The following CADM2 variants were observed in gnomAD, a reference collection of about 807,000 sequenced individuals.
The protein encoded by CADM2 is cell adhesion molecule 2.
In CADM2, 12 loss-of-function variants were observed where a neutral mutation model predicts 49.8. The ratio of observed to expected loss-of-function variants is 0.24; its 90% CI spans 0.15 to 0.39. The LOEUF is 0.39. CADM2 is among the 10% of genes least tolerant of loss of function. CADM2 has a pLI of 1.00. For synonymous variants in CADM2, 214 were observed against 175.4 expected (o/e 1.22, Z -1.74); for missense variants, 378 against 492.3 (o/e 0.77, Z 2.20).
intron 1 of CADM2, among the ~76,000 whole-genome samples, chr3:85,149,766 GTTTTA>G (rs1432042286): frequency 6.6e-6 from 1 of 152,084 alleles, no homozygotes; most frequent in Non-Finnish European, 1.5e-5. Flanking sequence ...TTATAGACAC[GTTTTA>G]TTTTATTTTT....
At chr3:85,628,921 T>C (rs926756066) in intron 1 of CADM2, among the ~76,000 whole-genome samples, 3 of 151,600 alleles carry the variant, frequency 2.0e-5, no homozygotes, top group East Asian at 3.9e-4. Context: ...TGTTTAATAG[T>C]CTAGAATTGT....
intron 1 of CADM2, among the ~76,000 whole-genome samples, chr3:85,107,660 T>TTTCC (rs1241363073): frequency 1.3e-5 from 2 of 150,512 alleles, no homozygotes; most frequent in Admixed American, 6.7e-5. Context: ...TCTTTCTTTT[T>TTTCC]TTCCTTCCTT....
intron 8 of CADM2, among the ~76,000 whole-genome samples, chr3:85,973,460 A>G (rs1442878697): frequency 1.3e-5 from 2 of 151,746 alleles, no homozygotes; most frequent in Admixed American, 1.3e-4. Context: ...TTTACCATGA[A>G]GTTCATTCTC....
intron 1 of CADM2, among the ~76,000 whole-genome samples, chr3:85,200,462 A>T (rs1027599682): frequency 1.1e-4 from 16 of 152,100 alleles, no homozygotes; most frequent in African/African-American, 3.4e-4. Context: ...AAGTTTAGAA[A>T]TAGGGACACG....
chr3:85,825,556 A>G (rs2073860963), intron 3 of CADM2, among the ~76,000 whole-genome samples: 1 of 152,090 alleles, frequency 6.6e-6, no homozygotes, highest in Admixed American at 6.6e-5. Context: ...TGCTCAAGAC[A>G]TAGTGTAGCC....
chr3:85,421,020 T>C (rs2036144515), intron 1 of CADM2, among the ~76,000 whole-genome samples: 1 of 152,164 alleles, frequency 6.6e-6, no homozygotes, highest in Non-Finnish European at 1.5e-5. Flanking sequence ...GAAAATACAG[T>C]CTTCACCCAA....
intron 3 of CADM2, among the ~76,000 whole-genome samples, chr3:85,881,236 A>G (rs140678216): frequency 8.3e-4 from 127 of 152,124 alleles, no homozygotes; most frequent in African/African-American, 2.6e-3. Flanking sequence ...TTATTTCTGT[A>G]ACGTCCATTT....
rs1187531347 is a variant in CADM2 at position 86,070,502 on chromosome 3, A to G, written c.*3719A>G. 6.6e-6 allele frequency: 1 copy of G among 151,958 alleles called. No homozygotes were observed. Among genetic ancestry groups the G allele is most frequent in the Non-Finnish European group, 1.5e-5 (1 of 67,864 alleles). 9.4% of individuals were successfully genotyped at this position (151,958 alleles called of 1,614,324 possible). On this transcript the variant is annotated 3_prime_UTR_variant, in exon 10 of 10. Coordinates refer to ENST00000383699, the MANE Select transcript of CADM2 (RefSeq NM_001167675.2). ...ATTAAATTTTACATTATGCTTTTTA[A>G]TTGTGGAGAAAATGCAAAACCTCAT... is the stretch of plus-strand genomic sequence containing the variant.
intron 1 of CADM2, among the ~76,000 whole-genome samples, chr3:85,427,655 G>A (rs1404572276): frequency 6.6e-6 from 1 of 151,940 alleles, no homozygotes; most frequent in Non-Finnish European, 1.5e-5. Flanking sequence ...AATCATCCTT[G>A]GAAACTGCTA....
chr3:85,081,115 A>C (rs2037146871), intron 1 of CADM2, among the ~76,000 whole-genome samples: 1 of 152,254 alleles, frequency 6.6e-6, no homozygotes, highest in South Asian at 2.1e-4. Flanking sequence ...ATGAAAAATT[A>C]CAATTCAATA....
chr3:85,827,166 A>T (rs2073954230), intron 3 of CADM2, among the ~76,000 whole-genome samples: 1 of 151,956 alleles, frequency 6.6e-6, no homozygotes, highest in Non-Finnish European at 1.5e-5. Flanking sequence ...AGGTTTCATT[A>T]AGATGAATAA....
chr3:85,564,911 T>G (rs1207432225), intron 1 of CADM2, among the ~76,000 whole-genome samples: 2 of 152,072 alleles, frequency 1.3e-5, no homozygotes, highest in Non-Finnish European at 2.9e-5. Flanking sequence ...AGTACAGAGA[T>G]GGAAGATTAT....
At chr3:85,769,550 T>C (rs1417007884) in intron 2 of CADM2, among the ~76,000 whole-genome samples, 8 of 77,454 alleles carry the variant, frequency 1.0e-4, no homozygotes, top group Non-Finnish European at 1.0e-4. Context: ...CGTATATACA[T>C]ATATGTATAT....
intron 1 of CADM2, among the ~76,000 whole-genome samples, chr3:85,066,065 C>CAGG (rs1277872159): frequency 1.1e-4 from 16 of 151,868 alleles, no homozygotes; most frequent in African/African-American, 3.6e-4. Context: ...AGTAATTGAA[C>CAGG]AGAGTAAAAT....
intron 8 of CADM2, among the ~76,000 whole-genome samples, chr3:86,035,444 G>A (rs1322904609): frequency 2.0e-5 from 3 of 151,924 alleles, no homozygotes; most frequent in African/African-American, 7.3e-5. Context: ...CTCACCTTCA[G>A]TGATCAGTTC....
At chr3:85,567,866 G>A (rs569336908) in intron 1 of CADM2, among the ~76,000 whole-genome samples, 2 of 152,304 alleles carry the variant, frequency 1.3e-5, no homozygotes, top group Admixed American at 6.5e-5. Context: ...AACCCACGGA[G>A]CTGCTGGTAG....
chr3:85,243,544 T>C (rs1214631916), intron 1 of CADM2, among the ~76,000 whole-genome samples: 1 of 152,054 alleles, frequency 6.6e-6, no homozygotes, highest in Non-Finnish European at 1.5e-5. Flanking sequence ...ATACTTTGCA[T>C]TTGTGAAGTA....
chr3:85,039,988 A>C lies in CADM2; in HGVS notation c.61+80320A>C, dbSNP rs559774121. ...TTTCCATAAGACCAAACCTTCAGGC[A>C]GTATGACTGTAGTTCTAACATTCTC... On this transcript the variant is annotated intron_variant, in intron 1 of 9. Transcript: ENST00000383699. Among the ~76,000 whole-genome samples the C allele has an allele frequency of 5.3e-5, 8 of 152,346 alleles. No homozygotes were observed. In the South Asian group the frequency reaches 1.4e-3, roughly 28 times the overall value.
intron 1 of CADM2, among the ~76,000 whole-genome samples, chr3:85,269,622 T>C (rs1309978116): frequency 2.0e-5 from 3 of 151,282 alleles, no homozygotes; most frequent in Non-Finnish European, 4.4e-5. Flanking sequence ...TCCCTATCTC[T>C]TGTGTACTGA....
Sources: gnomAD v4.1 joint callset for allele counts (sites outside exome capture counted in the v4.1 genomes callset) on GRCh38, gnomAD v4.1.1 for gene constraint, MANE v1.5 for transcripts, NCBI Gene and HGNC (gene_info 2026-07-23, HGNC 2026-07-21) for gene names.